The following CAMK2B variants were observed in gnomAD, a reference collection of about 807,000 sequenced individuals.
CAMK2B encodes the protein calcium/calmodulin dependent protein kinase II beta.
Under a neutral mutation model 93.7 loss-of-function variants are expected in CAMK2B, and 27 were observed. The observed-to-expected ratio is 0.29, with a 90% CI of 0.21 to 0.40. The LOEUF (loss-of-function observed/expected upper bound fraction) is 0.40, where lower values mean the gene tolerates loss of function less well. CAMK2B is among the 10% of genes least tolerant of loss of function. The pLI, the probability that CAMK2B is intolerant of heterozygous loss-of-function variation, is 1.00. For synonymous variants in CAMK2B, 374 were observed against 358.8 expected, an observed-to-expected ratio of 1.04 and a Z score of -0.48; for missense variants, 568 against 895.8, an observed-to-expected ratio of 0.63 and a Z score of 4.67.
chr7:44,307,913 T>A (rs1453424420), intron 1 of CAMK2B, among the ~76,000 whole-genome samples: 1 of 152,156 alleles, frequency 6.6e-6, no homozygotes, highest in Non-Finnish European at 1.5e-5. Context: ...TCACCCAGGC[T>A]GGAGTGCAGT....
chr7:44,220,338 G>T, intron 22 of CAMK2B, 44 bp from the exon 23 acceptor site: 2 of 1,439,988 alleles, frequency 1.4e-6, no homozygotes, highest in Non-Finnish European at 9.7e-7. Context: ...TACCATGACT[G>T]CCCTGGTGCC....
At chr7:44,279,877 C>T (rs751263421) in intron 2 of CAMK2B, among the ~76,000 whole-genome samples, 13 of 152,218 alleles carry the variant, frequency 8.5e-5, no homozygotes, top group Non-Finnish European at 1.3e-4. Flanking sequence ...TCCTACTCAT[C>T]CCTCAACGCC....
intron 1 of CAMK2B, among the ~76,000 whole-genome samples, chr7:44,295,714 C>G (rs1000625552): frequency 1.3e-5 from 2 of 152,160 alleles, no homozygotes; most frequent in African/African-American, 4.8e-5. Flanking sequence ...TTGAAATATG[C>G]CACGGCGTTC....
intron 5 of CAMK2B, among the ~76,000 whole-genome samples, chr7:44,249,492 C>T (rs1314009428): frequency 6.6e-6 from 1 of 152,182 alleles, no homozygotes; most frequent in African/African-American, 2.4e-5. Context: ...ATCCTGTGGT[C>T]AGTCTTGGCC....
At chr7:44,222,310 C>T (rs1286838568) in intron 20 of CAMK2B, among the ~76,000 whole-genome samples, 1 of 152,190 alleles carries the variant, frequency 6.6e-6, no homozygotes, top group Non-Finnish European at 1.5e-5. Context: ...AACAGCTGCC[C>T]GCCCTGCAGG....
intron 20 of CAMK2B, chr7:44,226,048 C>A: frequency 2.0e-6 from 1 of 501,092 alleles, no homozygotes; most frequent in South Asian, 1.9e-5. Flanking sequence ...CTCCCGATCC[C>A]CACCTGCTCC....
intron 1 of CAMK2B, among the ~76,000 whole-genome samples, chr7:44,291,576 G>A (rs1563042726): frequency 6.6e-6 from 1 of 152,188 alleles, no homozygotes; most frequent in Non-Finnish European, 1.5e-5. Flanking sequence ...TTATCAGCAC[G>A]GGAGTTCCTG....
At chr7:44,261,976 GC>G (rs2096882582) in intron 3 of CAMK2B, among the ~76,000 whole-genome samples, 1 of 152,208 alleles carries the variant, frequency 6.6e-6, no homozygotes, top group Non-Finnish European at 1.5e-5. Flanking sequence ...CTGCAGCCTG[GC>G]CCCGGGCCCT....
At chr7:44,267,802 T>C (rs1463414032) in intron 2 of CAMK2B, among the ~76,000 whole-genome samples, 1 of 152,214 alleles carries the variant, frequency 6.6e-6, no homozygotes, top group East Asian at 1.9e-4. Context: ...CCATAAACAA[T>C]TGCCCTCAAA....
chr7:44,304,250 C>T (rs1445327180), intron 1 of CAMK2B, among the ~76,000 whole-genome samples: 2 of 152,186 alleles, frequency 1.3e-5, no homozygotes, highest in Non-Finnish European at 2.9e-5. Context: ...CTTGGTATCT[C>T]CCAAATACAT....
At position 44,271,693 on chromosome 7, in the gene CAMK2B, TGA is replaced by T. The variant is rs1161045276; in HGVS notation, c.161-8631_161-8630del. On this transcript the variant is annotated intron_variant, in intron 2 of 23. Coordinates refer to ENST00000395749, the MANE Select transcript of CAMK2B (RefSeq NM_001220.5). This position sits in a 1 kb window ranked among gnomAD's most constrained non-coding sequence, Gnocchi z 4.2. ...GTGGCTTCCAGCAGCCCCTCTCCTC[TGA>T]CTCTCCTCCCTGGCTGGTAAATGTG... 6.6e-6 allele frequency among the ~76,000 whole-genome samples: 1 copy of T among 152,224 alleles called. No homozygotes were observed. The highest frequency in any genetic ancestry group is 2.4e-5 in the African/African-American group (1 of 41,458).
chr7:44,310,287 G>A (rs556650485), intron 1 of CAMK2B, among the ~76,000 whole-genome samples: 3 of 152,348 alleles, frequency 2.0e-5, no homozygotes, highest in East Asian at 3.9e-4. Context: ...CCTGCATGTG[G>A]GAGAGATGAG....
At chr7:44,300,057 T>TGTGTGC (rs1234944954) in intron 1 of CAMK2B, among the ~76,000 whole-genome samples, 1 of 151,326 alleles carries the variant, frequency 6.6e-6, no homozygotes, top group Admixed American at 6.6e-5. Context: ...TGTGTGTGTG[T>TGTGTGC]GTATGTAGTT....
chr7:44,242,199 G>A lies in CAMK2B; in HGVS notation c.819+19C>T. On this transcript the variant is annotated intron_variant, in intron 10 of 23. Transcript: ENST00000395749. ...CACCAGGAGCCCCCTCCCCACCATG[G>A]GCACCAAGGGCGACTCACGCAGACC... The A allele has an allele frequency of 6.2e-7, 1 of 1,605,086 alleles. No homozygotes were observed. Among genetic ancestry groups the A allele is most frequent in the Non-Finnish European group, 8.5e-7 (1 of 1,174,594 alleles).
At chr7:44,242,111 C>T in intron 10 of CAMK2B, 107 bp downstream of exon 10, 1 of 1,382,436 alleles carries the variant, frequency 7.2e-7, no homozygotes, top group Non-Finnish European at 9.8e-7. Context: ...CAAGGGAGCT[C>T]TTGGATGTCA....
intron 15 of CAMK2B, among the ~76,000 whole-genome samples, chr7:44,234,041 G>C (rs2096603097): frequency 6.6e-6 from 1 of 152,230 alleles, no homozygotes; most frequent in Non-Finnish European, 1.5e-5. Context: ...TCCTGGTGGG[G>C]AGAGGGTATC....
chr7:44,281,114 G>A (rs1023349307), intron 2 of CAMK2B, among the ~76,000 whole-genome samples: 4 of 152,230 alleles, frequency 2.6e-5, no homozygotes, highest in African/African-American at 7.2e-5. Context: ...TCACCAAGCC[G>A]TGCACACAGC....
intron 14 of CAMK2B, 62 bp from the exon 15 acceptor site, chr7:44,234,523 C>G: frequency 3.2e-6 from 5 of 1,584,316 alleles, no homozygotes; most frequent in Non-Finnish European, 4.3e-6. Flanking sequence ...CATTCCCTGT[C>G]CCGTGTCTCT....
At chr7:44,291,401 G>T (rs1786799875) in intron 1 of CAMK2B, among the ~76,000 whole-genome samples, 1 of 152,172 alleles carries the variant, frequency 6.6e-6, no homozygotes, top group South Asian at 2.1e-4. Flanking sequence ...TGCAAGCCGA[G>T]CTCCCAGGGC....
Sources: gnomAD v4.1 joint callset for allele counts (sites outside exome capture counted in the v4.1 genomes callset) on GRCh38, gnomAD v4.1.1 for gene constraint, Gnocchi (gnomAD v3.1) non-coding constraint, MANE v1.5 for transcripts, NCBI Gene and HGNC (gene_info 2026-07-23, HGNC 2026-07-21) for gene names.